Variants in BRME1 observed in about 807,000 individuals in gnomAD.
The protein encoded by BRME1 is BRCA2 and MEILB2-associating protein 1.
A neutral mutation model predicts 52.6 loss-of-function variants in BRME1; 31 were observed. The ratio of observed to expected loss-of-function variants is 0.59; its 90% CI spans 0.44 to 0.80. The LOEUF is 0.80. BRME1 is among the 30% of genes least tolerant of loss of function. The pLI, the probability that BRME1 is intolerant of heterozygous loss-of-function variation, is 0.00. For missense variants in BRME1, 804 were observed against 860.3 expected (o/e 0.93, Z 0.82); for synonymous variants, 359 against 353.6 (o/e 1.02, Z -0.17).
Position 13,887,214 on chromosome 19 carries a change from C to A in BRME1, c.1669-1159G>T, listed in dbSNP as rs548416777. Reference sequence around the variant, plus strand: ...CGATCCATCTTTGCTGTTCCCCGTGCCCCTGCCCATGTTGGGAGACACGGG... The same window carrying A: ...CGATCCATCTTTGCTGTTCCCCGTGACCCTGCCCATGTTGGGAGACACGGG... On this transcript the variant is annotated intron_variant, in intron 6 of 8. Coordinates refer to ENST00000586783, the MANE Select transcript of BRME1 (RefSeq NM_001345843.2). Among the ~76,000 whole-genome samples, 401 of 152,334 alleles carry A rather than the reference C, an allele frequency of 2.6e-3. 1 individual carries two copies. The highest frequency in any genetic ancestry group is 9.4e-3 in the African/African-American group (389 of 41,584).
intron 6 of BRME1, among the ~76,000 whole-genome samples, chr19:13,887,246 C>A (rs927539752): frequency 2.6e-5 from 4 of 152,236 alleles, no homozygotes; most frequent in African/African-American, 4.8e-5. Context: ...CGGGCCTCGG[C>A]CTTCCTGCCG....
chr19:13,890,525 T>C (rs1319049766), intron 5 of BRME1, 63 bp from the exon 6 acceptor site: 2 of 1,411,906 alleles, frequency 1.4e-6, no homozygotes, highest in African/African-American at 2.9e-5. Flanking sequence ...AAGAGTTTTC[T>C]ATTAGGTTGG....
intron 3 of BRME1, 85 bp downstream of exon 3, chr19:13,895,287 T>C (rs1568385257): frequency 7.0e-7 from 1 of 1,437,264 alleles, no homozygotes; most frequent in Non-Finnish European, 9.5e-7. Context: ...GTGGGTCTCT[T>C]TCCCAAAGCA....
In BRME1 at chr19:13,890,262, C is replaced by G. The variant is rs771993838; in HGVS notation, c.594G>C (p.Gly198=). ...CCCTCTGTGAGGCGGACAACCCCGT[C>G]CCCCTGTCTGGAGGGTCATCAGGCT... ...DSQPDDPPDR[G]TGLSASQRAS... The change falls in exon 6 of 9, where the codon GGG becomes GGC. Residue 198 remains glycine (G), a synonymous_variant. Coordinates refer to ENST00000586783, the MANE Select transcript of BRME1 (RefSeq NM_001345843.2). 4 of 1,613,766 alleles carry G rather than the reference C, an allele frequency of 2.5e-6. No individual in the cohort carries two copies. In the East Asian group the frequency reaches 8.9e-5, roughly 36 times the overall value.
chr19:13,892,003 G>A (rs111861331), intron 5 of BRME1, among the ~76,000 whole-genome samples: 5,510 of 151,352 alleles, frequency 0.036, 347 homozygotes, highest in African/African-American at 0.13. Flanking sequence ...AACCCAGGAG[G>A]TGGAGGCTGC....
intron 6 of BRME1, 76 bp from the exon 7 acceptor site, chr19:13,886,131 G>A (rs781204813): frequency 1.1e-4 from 142 of 1,290,696 alleles, no homozygotes; most frequent in East Asian, 7.2e-5. Flanking sequence ...CAGAAGTCAC[G>A]CTGATGCTTT....
At chr19:13,892,478 T>C (rs954259636) in intron 5 of BRME1, among the ~76,000 whole-genome samples, 11 of 152,008 alleles carry the variant, frequency 7.2e-5, no homozygotes, top group African/African-American at 2.7e-4. Flanking sequence ...TCCCAGCTAC[T>C]TGGGAGGCTG....
Position 13,890,081 on chromosome 19 carries a change from T to C in BRME1, c.775A>G (p.Arg259Gly). 1.2e-6 allele frequency: 2 copies of C among 1,613,810 alleles called. No individual in the cohort carries two copies. Among genetic ancestry groups the C allele is most frequent in the Non-Finnish European group, 1.7e-6 (2 of 1,179,886 alleles). ...RGAPQEGGAQ[R>G]TAGAGLPGGP... Reference sequence around the variant, plus strand: ...CCAGGCAGGCCAGCCCCTGCTGTCCTTTGGGCCCCTCCCTCCTGGGGGGCT... The same window carrying C: ...CCAGGCAGGCCAGCCCCTGCTGTCCCTTGGGCCCCTCCCTCCTGGGGGGCT... The change falls in exon 6 of 9, where the codon AGG (arginine) becomes GGG (glycine). Residue 259 changes from arginine (R) to glycine (G), a missense_variant. Physicochemically the swap from Arg to Gly is moderately radical, Grantham distance 125 (BLOSUM62 -2). Coordinates refer to ENST00000586783, the MANE Select transcript of BRME1 (RefSeq NM_001345843.2).
chr19:13,895,229 G>A (rs1969793686), intron 3 of BRME1, 143 bp downstream of exon 3: 5 of 781,664 alleles, frequency 6.4e-6, no homozygotes, highest in African/African-American at 3.6e-5. Context: ...AGCGAGATCC[G>A]AGGGCCCTGA....
At chr19:13,896,963 GC>G (rs750390960) in intron 2 of BRME1, among the ~76,000 whole-genome samples, 12 of 151,744 alleles carry the variant, frequency 7.9e-5, no homozygotes, top group Non-Finnish European at 1.3e-4. Context: ...CTCCCAAAGT[GC>G]TGGAATTACA....
chr19:13,900,177 A>G (rs889974866), intron 2 of BRME1, among the ~76,000 whole-genome samples: 2 of 152,190 alleles, frequency 1.3e-5, no homozygotes, highest in African/African-American at 2.4e-5. Context: ...CCTTCCTGTG[A>G]TCTGTCCACA....
intron 5 of BRME1, among the ~76,000 whole-genome samples, chr19:13,890,986 G>A (rs1262534730): frequency 6.6e-6 from 1 of 152,012 alleles, no homozygotes. Context: ...ATAGGCATCA[G>A]TACCAGGGCC....
rs945262530 is a variant in BRME1, at chr19:13,905,792, C to T, written c.-99G>A. On this transcript the variant is annotated 5_prime_UTR_variant, in exon 1 of 9. Coordinates refer to ENST00000586783, the MANE Select transcript of BRME1 (RefSeq NM_001345843.2). ...GCCTGGATCAGTTGGGAATAAGTCG[C>T]TTGAATTATCCGCGTTACTCTTTTT... is the stretch of plus-strand genomic sequence containing the variant. 2.0e-5 allele frequency: 3 copies of T among 152,214 alleles called. No homozygotes were observed. The highest frequency in any genetic ancestry group is 7.2e-5 in the African/African-American group (3 of 41,446). 9.4% of individuals were successfully genotyped at this position (152,214 alleles called of 1,614,324 possible).
chr19:13,900,413 G>A (rs1413770124), intron 2 of BRME1, among the ~76,000 whole-genome samples: 1 of 152,126 alleles, frequency 6.6e-6, no homozygotes, highest in African/African-American at 2.4e-5. Flanking sequence ...GGGTGGACCT[G>A]GCTGTCCCCA....
At position 13,888,574 on chromosome 19, in the gene BRME1, C is replaced by T. The variant is rs993655102; in HGVS notation, c.1668+614G>A. ...GAGAATGAACGCCAACGGCTGGCAC[C>T]GGCTCTGGAGCCAGAGGAGGCCACA... On this transcript the variant is annotated intron_variant, in intron 6 of 8. Coordinates refer to ENST00000586783, the MANE Select transcript of BRME1 (RefSeq NM_001345843.2). The surrounding 1 kb of genome is among the most constrained non-coding windows in gnomAD (Gnocchi z 4.1). Among the ~76,000 whole-genome samples, 6 of 152,346 alleles carry T rather than the reference C, an allele frequency of 3.9e-5. No individual in the cohort carries two copies. Among genetic ancestry groups the T allele is most frequent in the South Asian group, 2.1e-4 (1 of 4,832 alleles).
intron 2 of BRME1, among the ~76,000 whole-genome samples, chr19:13,896,783 T>C (rs1969935643): frequency 6.6e-6 from 1 of 151,744 alleles, no homozygotes; most frequent in Admixed American, 6.6e-5. Flanking sequence ...CTTGACCTCA[T>C]AGGCTCAAGC....
chr19:13,886,239 G>A (rs538718947), intron 6 of BRME1, among the ~76,000 whole-genome samples, 184 bp from the exon 7 acceptor site: 5 of 152,330 alleles, frequency 3.3e-5, no homozygotes, highest in South Asian at 2.1e-4. Context: ...GGGTAGACCC[G>A]AGGCTACCAG....
rs370247595 is a variant in BRME1 at position 13,882,665 on chromosome 19, G to T, written c.*137C>A. 7 of 1,162,536 alleles carry T rather than the reference G, an allele frequency of 6.0e-6. No individual in the cohort carries two copies. The African/African-American group carries it at 6.2e-5, about 10-fold the overall frequency. 72.0% of individuals were successfully genotyped at this position (1,162,536 alleles called of 1,614,324 possible). On this transcript the variant is annotated 3_prime_UTR_variant, in exon 9 of 9. Coordinates refer to ENST00000586783, the MANE Select transcript of BRME1 (RefSeq NM_001345843.2). The stretch of plus-strand genomic sequence containing the variant: ...AGGCCAGGACCTCACGGCCTCCTTT[G>T]TGTTGTCCATGGAAGACCAACTTCC...
intron 3 of BRME1, among the ~76,000 whole-genome samples, chr19:13,895,074 T>C (rs1391509631): frequency 6.6e-6 from 1 of 152,028 alleles, no homozygotes; most frequent in Non-Finnish European, 1.5e-5. Flanking sequence ...AGACGGGGTT[T>C]TGCAGTGTTG....
Sources: gnomAD v4.1 joint callset for allele counts (sites outside exome capture counted in the v4.1 genomes callset) on GRCh38, gnomAD v4.1.1 for gene constraint, Gnocchi (gnomAD v3.1) non-coding constraint, MANE v1.5 for transcripts, NCBI Gene and HGNC (gene_info 2026-07-23, HGNC 2026-07-21) for gene names.